Variants in TMEM132B observed in about 807,000 individuals in gnomAD.
TMEM132B encodes the protein transmembrane protein 132B.
A neutral mutation model predicts 90.8 loss-of-function variants in TMEM132B; 18 were observed. That is an observed-to-expected ratio of 0.20 (90% confidence interval 0.14 to 0.29). The LOEUF (loss-of-function observed/expected upper bound fraction) is 0.29. TMEM132B is among the 10% of genes least tolerant of loss of function. TMEM132B has a pLI of 1.00. For missense variants in TMEM132B, 1,096 were observed against 1,326.8 expected, an observed-to-expected ratio of 0.83 and a Z score of 2.70; for synonymous variants, 504 against 523.3, an observed-to-expected ratio of 0.96 and a Z score of 0.50.
At chr12:125,399,555 T>G (rs2136317837) in intron 2 of TMEM132B, among the ~76,000 whole-genome samples, 1 of 150,108 alleles carries the variant, frequency 6.7e-6, no homozygotes, top group East Asian at 2.0e-4. Flanking sequence ...ATGGAATGGA[T>G]TATCTCTCAG....
intron 2 of TMEM132B, among the ~76,000 whole-genome samples, chr12:125,395,089 G>A (rs993390279): frequency 2.0e-5 from 3 of 152,210 alleles, no homozygotes; most frequent in African/African-American, 7.2e-5. Context: ...ATGGATGTAT[G>A]TATATGTGCA....
intron 1 of TMEM132B, among the ~76,000 whole-genome samples, chr12:125,221,749 CAGAG>C (rs1565977940): frequency 6.6e-6 from 1 of 152,180 alleles, no homozygotes; most frequent in Non-Finnish European, 1.5e-5. Flanking sequence ...AGGAGACATT[CAGAG>C]AAGGGACATT....
intron 3 of TMEM132B, among the ~76,000 whole-genome samples, chr12:125,421,507 A>T (rs1880166963): frequency 6.6e-6 from 1 of 152,212 alleles, no homozygotes; most frequent in Admixed American, 6.5e-5. Flanking sequence ...ACCCACCTCC[A>T]TGAGTCAGTT....
At chr12:125,315,401 G>A (rs1309209752) in intron 1 of TMEM132B, among the ~76,000 whole-genome samples, 1 of 152,152 alleles carries the variant, frequency 6.6e-6, no homozygotes, top group East Asian at 1.9e-4. Context: ...GTTTCACCAT[G>A]TTGGCCAAGC....
chr12:125,235,352 C>T (rs1352493361), intron 1 of TMEM132B, among the ~76,000 whole-genome samples: 2 of 152,138 alleles, frequency 1.3e-5, no homozygotes, highest in South Asian at 2.1e-4. Context: ...CCATGGATCC[C>T]ACCTTTGTCC....
intron 5 of TMEM132B, among the ~76,000 whole-genome samples, chr12:125,611,854 T>A (rs1885835650): frequency 6.6e-6 from 1 of 152,190 alleles, no homozygotes; most frequent in African/African-American, 2.4e-5. Flanking sequence ...ATTTTCCTTG[T>A]ACACTTAAGG....
intron 4 of TMEM132B, among the ~76,000 whole-genome samples, chr12:125,572,061 A>G (rs889715332): frequency 2.6e-5 from 4 of 152,212 alleles, no homozygotes; most frequent in African/African-American, 9.6e-5. Flanking sequence ...AAAATGTGCC[A>G]TATTGGGTTT....
chr12:125,582,905 G>C (rs886548913), intron 4 of TMEM132B, among the ~76,000 whole-genome samples: 2 of 152,314 alleles, frequency 1.3e-5, no homozygotes, highest in East Asian at 1.9e-4. Context: ...GCTCAACTGT[G>C]GTGAGGGACA....
chr12:125,297,925 T>C (rs1256908539), intron 1 of TMEM132B, among the ~76,000 whole-genome samples: 2 of 152,212 alleles, frequency 1.3e-5, no homozygotes, highest in Admixed American at 1.3e-4. Flanking sequence ...CGCTGGACCA[T>C]TCCCAACAGT....
At chr12:125,604,579 G>A (rs776211015) in intron 5 of TMEM132B, among the ~76,000 whole-genome samples, 1 of 152,108 alleles carries the variant, frequency 6.6e-6, no homozygotes, top group Non-Finnish European at 1.5e-5. Context: ...AAACCTGCAC[G>A]TTCTGCACTT....
intron 3 of TMEM132B, among the ~76,000 whole-genome samples, chr12:125,452,360 A>G (rs951624659): frequency 5.3e-5 from 8 of 152,212 alleles, no homozygotes; most frequent in Admixed American, 3.9e-4. Context: ...ATAGGGCTAT[A>G]TCATGGTTTA....
intron 4 of TMEM132B, 29 bp downstream of exon 4, chr12:125,519,654 T>C (rs1331764680): frequency 6.2e-7 from 1 of 1,610,932 alleles, no homozygotes; most frequent in Non-Finnish European, 8.5e-7. Context: ...TCAGAGGAAG[T>C]GTCACAAAGA....
chr12:125,472,164 G>A (rs1218774971), intron 3 of TMEM132B, among the ~76,000 whole-genome samples: 1 of 152,332 alleles, frequency 6.6e-6, no homozygotes, highest in East Asian at 1.9e-4. Flanking sequence ...TCAGTGTCTT[G>A]AGATGGGGTG....
intron 3 of TMEM132B, among the ~76,000 whole-genome samples, chr12:125,419,624 C>A (rs1880116711): frequency 6.6e-6 from 1 of 152,182 alleles, no homozygotes; most frequent in Non-Finnish European, 1.5e-5. Context: ...CAAACCATAT[C>A]ATTCCATCCC....
In TMEM132B at chr12:125,650,691, G is replaced by A. The variant is rs774182915; in HGVS notation, c.1652G>A (p.Arg551Gln). ...IPVAANRRPT[R>Q]ESDDEDDEEK... Reference sequence around the variant, plus strand: ...GATTCCTTGTGCTCCAGGCCTACCCGGGAAAGCGATGACGAGGACGATGAG... The same window carrying A: ...GATTCCTTGTGCTCCAGGCCTACCCAGGAAAGCGATGACGAGGACGATGAG... The change falls in exon 7 of 9, where the codon CGG (arginine) becomes CAG (glutamine). Residue 551 changes from arginine to glutamine, a missense_variant. By Grantham distance (43) the Arg-to-Gln change is conservative. Transcript: ENST00000682704. 21 of 1,607,254 alleles carry A rather than the reference G, an allele frequency of 1.3e-5. No homozygotes were observed. Among genetic ancestry groups the A allele is most frequent in the Non-Finnish European group, 1.7e-5 (20 of 1,174,182 alleles).
intron 5 of TMEM132B, among the ~76,000 whole-genome samples, chr12:125,592,698 T>G (rs10492032): frequency 0.63 from 96,543 of 152,052 alleles, 31,520 homozygotes; most frequent in Middle Eastern, 0.81. Context: ...TACAAAACTC[T>G]ATATGATCAA....
chr12:125,563,410 T>C (rs1478947137), intron 4 of TMEM132B, among the ~76,000 whole-genome samples: 1 of 151,826 alleles, frequency 6.6e-6, no homozygotes, highest in Non-Finnish European at 1.5e-5. Flanking sequence ...AGATCGAGAC[T>C]AACCTGGCCA....
At chr12:125,381,827 C>T (rs1406500779) in intron 2 of TMEM132B, among the ~76,000 whole-genome samples, 2 of 152,182 alleles carry the variant, frequency 1.3e-5, no homozygotes, top group African/African-American at 2.4e-5. Context: ...AGGTGATGTG[C>T]ATAGGTTACT....
At position 125,406,016 on chromosome 12, in the gene TMEM132B, C is replaced by T. The variant is rs989627124; in HGVS notation, c.960-9515C>T. 2.0e-5 allele frequency among the ~76,000 whole-genome samples: 3 copies of T among 152,052 alleles called. No individual in the cohort carries two copies. The highest frequency in any genetic ancestry group is 7.3e-5 in the African/African-American group (3 of 41,378). On this transcript the variant is annotated intron_variant, in intron 2 of 8. Coordinates refer to ENST00000682704, the MANE Select transcript of TMEM132B (RefSeq NM_001366854.1). The surrounding 1 kb of genome is among the most constrained non-coding windows in gnomAD (Gnocchi z 8.3). Reference sequence around the variant, plus strand: ...GGTTGTGAATTCAGGTTGTAGCTTTCCTTGCTTTTTTTTGGAATATTTATT... The same window carrying T: ...GGTTGTGAATTCAGGTTGTAGCTTTTCTTGCTTTTTTTTGGAATATTTATT...
Sources: gnomAD v4.1 joint callset for allele counts (sites outside exome capture counted in the v4.1 genomes callset) on GRCh38, gnomAD v4.1.1 for gene constraint, Gnocchi (gnomAD v3.1) non-coding constraint, MANE v1.5 for transcripts, NCBI Gene and HGNC (gene_info 2026-07-23, HGNC 2026-07-21) for gene names.